The following PDIA4 variants were observed in gnomAD, a reference collection of about 807,000 sequenced individuals.
PDIA4 encodes protein disulfide-isomerase A4.
PDIA4 carries 33 observed loss-of-function variants against 62.1 expected under a neutral mutation model. The observed-to-expected ratio is 0.53, with a 90% CI of 0.40 to 0.71. The LOEUF is 0.71. Among genes scored for constraint, PDIA4 ranks in the 30% least tolerant of loss-of-function variants. The pLI is 0.00. For missense variants in PDIA4, 804 were observed against 813.6 expected (o/e 0.99, Z 0.14); for synonymous variants, 341 against 324.1 (o/e 1.05, Z -0.56).
intron 6 of PDIA4, among the ~76,000 whole-genome samples, chr7:149,010,600 T>C (rs1251812100): frequency 6.6e-6 from 1 of 152,140 alleles, no homozygotes. Flanking sequence ...CAGACCCGCA[T>C]CAAGAACTTC....
chr7:149,011,652 G>A (rs562209392), intron 6 of PDIA4, among the ~76,000 whole-genome samples, 194 bp downstream of exon 6: 18 of 152,212 alleles, frequency 1.2e-4, no homozygotes, highest in Middle Eastern at 3.4e-3. Flanking sequence ...CCCCTGCACC[G>A]AGGCCAGGAG....
At position 149,003,098 on chromosome 7, in the gene PDIA4, G is replaced by A; in HGVS notation, c.*696C>T. On this transcript the variant is annotated 3_prime_UTR_variant, in exon 10 of 10. Coordinates refer to ENST00000652332, the MANE Select transcript of PDIA4 (RefSeq NM_004911.5). ...AATCGTGTTTTATTCCATTGCCACA[G>A]CCTACTCTACCTTTTCTACCACCCC... 5.9e-6 allele frequency: 1 copy of A among 169,490 alleles called. No homozygotes were observed. The highest frequency in any genetic ancestry group is 2.4e-5 in the African/African-American group (1 of 41,676). 10.5% of individuals were successfully genotyped at this position (169,490 alleles called of 1,614,324 possible).
chr7:149,026,488 A>T (rs1209555994), intron 1 of PDIA4, among the ~76,000 whole-genome samples: 1 of 152,118 alleles, frequency 6.6e-6, no homozygotes, highest in Non-Finnish European at 1.5e-5. Context: ...GTCTCTACTG[A>T]AAAATACAAA....
At chr7:149,026,240 G>A (rs895749786) in intron 1 of PDIA4, among the ~76,000 whole-genome samples, 2 of 152,180 alleles carry the variant, frequency 1.3e-5, no homozygotes, top group East Asian at 3.8e-4. Context: ...AAGGGTCAAG[G>A]TAAGCCCACA....
intron 2 of PDIA4, 85 bp downstream of exon 2, chr7:149,020,882 C>G: frequency 6.6e-7 from 1 of 1,524,780 alleles, no homozygotes; most frequent in Non-Finnish European, 8.8e-7. Flanking sequence ...TACCCCACCC[C>G]CCAAGGTCTG....
At position 149,008,153 on chromosome 7, in the gene PDIA4, G is replaced by GC; in HGVS notation, c.1131+5dup. Reference sequence around the variant, plus strand: ...CAGGGCTGGCATGGCAGAGGGGCCCGCTTACCTGGACGTCCATCATGTGGC... The same window carrying GC: ...CAGGGCTGGCATGGCAGAGGGGCCCGCCTTACCTGGACGTCCATCATGTGGC... On this transcript the variant is annotated splice_donor_region_variant and intron_variant, in intron 7 of 9. Coordinates refer to ENST00000652332, the MANE Select transcript of PDIA4 (RefSeq NM_004911.5). 6 of 1,612,716 alleles carry GC rather than the reference G, an allele frequency of 3.7e-6. No homozygotes were observed. Among genetic ancestry groups the GC allele is most frequent in the Non-Finnish European group, 5.1e-6 (6 of 1,179,328 alleles).
At chr7:149,009,396 T>C (rs1823868390) in intron 6 of PDIA4, among the ~76,000 whole-genome samples, 1 of 152,214 alleles carries the variant, frequency 6.6e-6, no homozygotes, top group African/African-American at 2.4e-5. Context: ...CACTGATTCT[T>C]TGGCAGGGGG....
At position 149,003,740 on chromosome 7, in the gene PDIA4, C is replaced by T; in HGVS notation, c.*54G>A. Reference sequence around the variant, plus strand: ...GCCGGCCTCGGCGTGGACGCCCCGACCATGGGCCACGCAGGGCGTCTGCCT... The same window carrying T: ...GCCGGCCTCGGCGTGGACGCCCCGATCATGGGCCACGCAGGGCGTCTGCCT... On this transcript the variant is annotated 3_prime_UTR_variant, in exon 10 of 10. Coordinates refer to ENST00000652332, the MANE Select transcript of PDIA4 (RefSeq NM_004911.5). 1 of 1,406,200 alleles carries T rather than the reference C, an allele frequency of 7.1e-7. No individual in the cohort carries two copies. The highest frequency in any genetic ancestry group is 9.4e-7 in the Non-Finnish European group (1 of 1,060,180). 87.1% of individuals were successfully genotyped at this position (1,406,200 alleles called of 1,614,324 possible).
At chr7:149,020,617 C>G (rs756847652) in intron 2 of PDIA4, among the ~76,000 whole-genome samples, 1 of 152,206 alleles carries the variant, frequency 6.6e-6, no homozygotes, top group Non-Finnish European at 1.5e-5. Flanking sequence ...TGGCCTGAGA[C>G]AGGTCGGAGC....
At chr7:149,027,130 G>C (rs894482361) in intron 1 of PDIA4, among the ~76,000 whole-genome samples, 1 of 152,190 alleles carries the variant, frequency 6.6e-6, no homozygotes, top group African/African-American at 2.4e-5. Flanking sequence ...TATGTCTCAA[G>C]GGAAAACTGA....
At chr7:149,027,828 A>G (rs1268651227) in intron 1 of PDIA4, 1 of 471,790 alleles carries the variant, frequency 2.1e-6, no homozygotes, top group South Asian at 1.5e-5. Context: ...CTATGGATTA[A>G]TCATTTCCAA....
chr7:149,018,228 C>CA (rs201490937), intron 3 of PDIA4, among the ~76,000 whole-genome samples: 5,426 of 146,412 alleles, frequency 0.037, 180 homozygotes, highest in African/African-American at 0.09. Flanking sequence ...GACTAAGTCT[C>CA]AAAAAAAAAA....
chr7:149,014,013 C>T lies in PDIA4; in HGVS notation c.614+891G>A, dbSNP rs73474088. Among the ~76,000 whole-genome samples the T allele has an allele frequency of 4.2e-3, 642 of 152,320 alleles. 6 individuals carry two copies. Among genetic ancestry groups the T allele is most frequent in the African/African-American group, 0.015 (603 of 41,558 alleles). On this transcript the variant is annotated intron_variant, in intron 4 of 9. Transcript: ENST00000652332. ...GCAAGGGGGTTAGAAGGGTGCCCCA[C>T]GTGTCCCAGACGCTTCCTTCCTTCT... is the stretch of plus-strand genomic sequence containing the variant.
At chr7:149,004,713 C>G (rs1192787206) in intron 9 of PDIA4, among the ~76,000 whole-genome samples, 1 of 152,206 alleles carries the variant, frequency 6.6e-6, no homozygotes, top group Non-Finnish European at 1.5e-5. Context: ...GTTCAGCACA[C>G]CCAGACTTTG....
intron 1 of PDIA4, among the ~76,000 whole-genome samples, chr7:149,023,866 C>T (rs1563124578): frequency 6.6e-6 from 1 of 152,226 alleles, no homozygotes; most frequent in Non-Finnish European, 1.5e-5. Flanking sequence ...TACAATGTGA[C>T]AGAGCTCTCA....
chr7:149,020,498 TC>T (rs994428677), intron 2 of PDIA4, among the ~76,000 whole-genome samples: 12 of 151,606 alleles, frequency 7.9e-5, no homozygotes, highest in African/African-American at 2.7e-4. Flanking sequence ...GCCTGACTGG[TC>T]CCCCCGCAGG....
In PDIA4 at chr7:149,003,472, T is replaced by C. The variant is rs1280633939; in HGVS notation, c.*322A>G. 4.5e-6 allele frequency: 1 copy of C among 222,702 alleles called. No homozygotes were observed. Among genetic ancestry groups the C allele is most frequent in the African/African-American group, 2.3e-5 (1 of 44,266 alleles). The allele number at this position is 222,702 out of a possible 1,614,324, so 13.8% of individuals were successfully genotyped here. On this transcript the variant is annotated 3_prime_UTR_variant, in exon 10 of 10. Transcript: ENST00000652332. ...TGGAAAAGGAATTTTAAACCTTAAA[T>C]TAAAAAAAGAAAACATTTTCACACA...
rs2129503659 is a variant in PDIA4 at position 149,004,190 on chromosome 7, G to C, written c.1542C>G (p.Ile514Met). 6.2e-7 allele frequency: 1 copy of C among 1,612,568 alleles called. No homozygotes were observed. Among genetic ancestry groups the C allele is most frequent in the Non-Finnish European group, 8.5e-7 (1 of 1,178,906 alleles). ...AFKKGKLKPVIKSQPVPKNNK... is the reference protein window; with the variant it reads ...AFKKGKLKPVMKSQPVPKNNK... ...TGTTCTTGGGCACTGGCTGGGATTT[G>C]ATGACTGGCTTCAGTTTTCCTGCCA... The change falls in exon 10 of 10, where the codon ATC becomes ATG. Residue 514 changes from isoleucine (I) to methionine (M), a missense_variant. Coordinates refer to ENST00000652332, the MANE Select transcript of PDIA4 (RefSeq NM_004911.5).
intron 6 of PDIA4, among the ~76,000 whole-genome samples, chr7:149,010,302 C>T (rs1402102270): frequency 6.6e-6 from 1 of 152,042 alleles, no homozygotes; most frequent in Admixed American, 6.6e-5. Context: ...GAGTTCAAGA[C>T]CAGCTGGGCA....
Sources: allele counts gnomAD v4.1 joint callset (sites outside exome capture counted in the v4.1 genomes callset), GRCh38; gene constraint gnomAD v4.1.1; transcripts MANE v1.5; gene names NCBI Gene and HGNC (gene_info 2026-07-23, HGNC 2026-07-21).